The following KIZ variants were observed in gnomAD, a reference collection of about 807,000 sequenced individuals.
KIZ encodes kizuna centrosomal protein.
In KIZ, 68 loss-of-function variants were observed where a neutral mutation model predicts 79.6. The ratio of observed to expected loss-of-function variants is 0.85; its 90% CI spans 0.70 to 1.05. KIZ has a LOEUF of 1.05. Among genes scored for constraint, KIZ ranks in the 50% least tolerant of loss-of-function variants. The pLI, the probability that KIZ is intolerant of heterozygous loss-of-function variation, is 0.00. For synonymous variants in KIZ, 280 were observed against 281.8 expected (o/e 0.99, Z 0.06); for missense variants, 797 against 800.4 (o/e 1.00, Z 0.05).
chr20:21,215,653 A>G lies in KIZ; in HGVS notation c.1678+5A>G, dbSNP rs890888969. ...CTGCAGATATCCCAATCACAGGTAA[A>G]GCTATGGTTGCCTAAGAGTTTCAGA... On this transcript the variant is annotated splice_donor_5th_base_variant and intron_variant, in intron 9 of 12. Coordinates refer to ENST00000619189, the MANE Select transcript of KIZ (RefSeq NM_018474.6). 6.3e-7 allele frequency: 1 copy of G among 1,586,668 alleles called. No homozygotes were observed. The highest frequency in any genetic ancestry group is 8.6e-7 in the Non-Finnish European group (1 of 1,157,786).
chr20:21,219,615 G>GC (rs1221709418), intron 9 of KIZ, among the ~76,000 whole-genome samples: 1 of 152,164 alleles, frequency 6.6e-6, no homozygotes, highest in Non-Finnish European at 1.5e-5. Context: ...ACCTTGCCTG[G>GC]CCCTGTGGCT....
chr20:21,159,271 A>G (rs2122650944), intron 4 of KIZ, among the ~76,000 whole-genome samples: 1 of 152,226 alleles, frequency 6.6e-6, no homozygotes, highest in South Asian at 2.1e-4. Context: ...CTCCCATCTC[A>G]GCCTCAGGGC....
chr20:21,141,704 C>T (rs1276476415), intron 3 of KIZ, among the ~76,000 whole-genome samples: 1 of 152,024 alleles, frequency 6.6e-6, no homozygotes, highest in South Asian at 2.1e-4. Flanking sequence ...TTAGGTCTCT[C>T]CTTGGCCTGA....
chr20:21,241,080 G>A (rs575474715), intron 11 of KIZ, among the ~76,000 whole-genome samples: 3 of 152,206 alleles, frequency 2.0e-5, no homozygotes, highest in African/African-American at 2.4e-5. Context: ...ATATCTCATG[G>A]CCTACAACCT....
intron 6 of KIZ, among the ~76,000 whole-genome samples, chr20:21,186,510 C>T (rs2034881292): frequency 6.6e-6 from 1 of 151,250 alleles, no homozygotes; most frequent in Non-Finnish European, 1.5e-5. Flanking sequence ...ATCTGGTTCC[C>T]AGCTACTTCC....
intron 6 of KIZ, among the ~76,000 whole-genome samples, chr20:21,205,186 C>T (rs1313388124): frequency 2.0e-5 from 3 of 152,180 alleles, no homozygotes; most frequent in African/African-American, 7.2e-5. Context: ...ACTGGCCAAG[C>T]CATACCCCAG....
At chr20:21,166,877 G>A (rs533735572) in intron 6 of KIZ, among the ~76,000 whole-genome samples, 1 of 152,324 alleles carries the variant, frequency 6.6e-6, no homozygotes, top group South Asian at 2.1e-4. Flanking sequence ...AGAGGCGTGA[G>A]CCACCACGCC....
intron 10 of KIZ, among the ~76,000 whole-genome samples, chr20:21,232,193 A>G (rs573696341): frequency 6.6e-6 from 1 of 152,350 alleles, no homozygotes; most frequent in Admixed American, 6.5e-5. Context: ...CTCTGGCTCC[A>G]AAGAAAGAGG....
At chr20:21,220,150 T>C (rs938654152) in intron 9 of KIZ, among the ~76,000 whole-genome samples, 1 of 149,480 alleles carries the variant, frequency 6.7e-6, no homozygotes, top group Non-Finnish European at 1.5e-5. Flanking sequence ...ATATCATATA[T>C]CATTATAGAT....
intron 6 of KIZ, among the ~76,000 whole-genome samples, chr20:21,202,880 C>A (rs2035652994): frequency 6.6e-6 from 1 of 152,090 alleles, no homozygotes; most frequent in South Asian, 2.1e-4. Context: ...CTCATATACC[C>A]ACTACTCAGA....
At chr20:21,153,853 T>A (rs2033238949) in intron 4 of KIZ, among the ~76,000 whole-genome samples, 1 of 152,128 alleles carries the variant, frequency 6.6e-6, no homozygotes, top group African/African-American at 2.4e-5. Flanking sequence ...TGGATTAAGG[T>A]CCCACCATTA....
rs574252446 is a variant in KIZ at position 21,141,008 on chromosome 20, C to CA, written c.315+4464dup. Among the ~76,000 whole-genome samples the CA allele has an allele frequency of 1.2e-3, 176 of 151,156 alleles. 1 individual carries two copies. The South Asian group carries it at 0.016, about 14-fold the overall frequency. ...GCGACAGAGCAAGACCCTGGCTCTC[C>CA]AAAAAAAATTAATAATAATAAAGTA... On this transcript the variant is annotated intron_variant, in intron 3 of 12. Transcript: ENST00000619189.
At chr20:21,135,943 A>G (rs546784032) in intron 2 of KIZ, among the ~76,000 whole-genome samples, 5 of 152,146 alleles carry the variant, frequency 3.3e-5, no homozygotes, top group African/African-American at 1.2e-4. Context: ...TACATTTTTA[A>G]ATTTCTTTTT....
At chr20:21,163,579 A>G (rs1009836690) in intron 6 of KIZ, among the ~76,000 whole-genome samples, 3 of 152,210 alleles carry the variant, frequency 2.0e-5, no homozygotes, top group African/African-American at 7.2e-5. Context: ...CTTTATGTCT[A>G]ATTAATTTGC....
intron 4 of KIZ, 46 bp downstream of exon 4, chr20:21,145,700 GA>G: frequency 1.3e-6 from 1 of 781,004 alleles, no homozygotes; most frequent in Non-Finnish European, 2.1e-6. Context: ...AGGAATTCTG[GA>G]GTGTTTATAT....
At chr20:21,133,471 G>A (rs1218212161) in intron 2 of KIZ, among the ~76,000 whole-genome samples, 1 of 152,232 alleles carries the variant, frequency 6.6e-6, no homozygotes, top group African/African-American at 2.4e-5. Flanking sequence ...CATGCAGTCT[G>A]TTCTTGGGAA....
chr20:21,216,507 A>G (rs909902107), intron 9 of KIZ, among the ~76,000 whole-genome samples: 9 of 152,322 alleles, frequency 5.9e-5, no homozygotes, highest in African/African-American at 2.2e-4. Flanking sequence ...TCTGGTTTTG[A>G]AAAAGCAGTT....
chr20:21,183,041 C>T (rs1338891041), intron 6 of KIZ, among the ~76,000 whole-genome samples: 2 of 151,926 alleles, frequency 1.3e-5, no homozygotes, highest in Middle Eastern at 3.2e-3. Context: ...AAATTGGGGT[C>T]CCATGAAAAG....
intron 4 of KIZ, among the ~76,000 whole-genome samples, chr20:21,160,392 A>G (rs1185683578): frequency 1.3e-5 from 2 of 152,080 alleles, no homozygotes; most frequent in Non-Finnish European, 2.9e-5. Context: ...CTGTTTGGAT[A>G]ACACCTGCGA....
Sources: allele counts gnomAD v4.1 joint callset (sites outside exome capture counted in the v4.1 genomes callset), GRCh38; gene constraint gnomAD v4.1.1; transcripts MANE v1.5; gene names NCBI Gene and HGNC (gene_info 2026-07-23, HGNC 2026-07-21).